KCNK12: variants seen among roughly 807,000 people sequenced by gnomAD.
KCNK12 encodes the protein potassium two pore domain channel subfamily K member 12.
KCNK12 carries 6 observed loss-of-function variants against 25.3 expected under a neutral mutation model. The observed-to-expected ratio is 0.24, with a 90% CI of 0.13 to 0.47. KCNK12 has a LOEUF of 0.47. Ranked by LOEUF, KCNK12 falls within the 20% of genes least tolerant of loss-of-function variation. The probability of loss-of-function intolerance (pLI) is 0.99; values close to 1 mark genes in which losing one functional copy is unlikely to be tolerated. For missense variants in KCNK12, 444 were observed against 661.7 expected (o/e 0.67, Z 3.61); for synonymous variants, 331 against 311.1 (o/e 1.06, Z -0.67).
intron 1 of KCNK12, among the ~76,000 whole-genome samples, chr2:47,526,774 C>T (rs1668789783): frequency 1.3e-5 from 2 of 152,112 alleles, no homozygotes; most frequent in Admixed American, 6.5e-5. Flanking sequence ...GACATAAAAA[C>T]TATTTGGATA....
rs1253537027 is a variant in KCNK12 at position 47,570,126 on chromosome 2, C to T, written c.206G>A (p.Arg69Gln). Residue 69 changes from arginine to glutamine, a missense_variant, in exon 1 of 2, where the codon CGG (arginine) becomes CAG (glutamine). Arg to Gln is a conservative substitution (Grantham distance 43). This residue lies in a region of KCNK12 where 106 missense variants were observed against 142.2 expected (regional missense o/e 0.75). Coordinates refer to ENST00000327876, the MANE Select transcript of KCNK12 (RefSeq NM_022055.2). ...GCGCAGCGTGGCGCCCCAGCGCGCCCGCGCCTCCGCCTCGCCGGGGCTCTC... is the reference window on the plus strand; with the variant it reads ...GCGCAGCGTGGCGCCCCAGCGCGCCTGCGCCTCCGCCTCGCCGGGGCTCTC... The part of the protein sequence containing the change: ...ALESPGEAEA[R>Q]ARWGATLRNF... 9 of 1,432,360 alleles carry T rather than the reference C, an allele frequency of 6.3e-6. No individual in the cohort carries two copies. The highest frequency in any genetic ancestry group is 2.7e-5 in the Admixed American group (1 of 37,066). The allele number at this position is 1,432,360 out of a possible 1,614,324, so 88.7% of individuals were successfully genotyped here.
chr2:47,521,336 C>T lies in KCNK12; in HGVS notation c.864G>A (p.Val288=), dbSNP rs769548110. 4 of 1,613,668 alleles carry T rather than the reference C, an allele frequency of 2.5e-6. No individual in the cohort carries two copies. In the East Asian group the frequency reaches 8.9e-5, roughly 36 times the overall value. Residue 288 remains valine, a synonymous_variant, in exon 2 of 2, where the codon GTG becomes GTA. Coordinates refer to ENST00000327876, the MANE Select transcript of KCNK12 (RefSeq NM_022055.2). The part of the protein sequence containing the change: ...LGNFLFILLG[V]CCIYSLFNVI... ...CGTTGAAGAGCGAGTAAATGCAGCA[C>T]ACGCCGAGCAGGATGAAGAGGAAGT...
At position 47,570,195 on chromosome 2, in the gene KCNK12, A is replaced by G; in HGVS notation, c.137T>C (p.Ile46Thr). The G allele has an allele frequency of 6.7e-7, 1 of 1,497,934 alleles. No homozygotes were observed. 92.8% of individuals were successfully genotyped at this position (1,497,934 alleles called of 1,614,324 possible). The change falls in exon 1 of 2, where the codon ATC becomes ACC. Residue 46 changes from isoleucine to threonine, a missense_variant. Physicochemically the swap from Ile to Thr is moderately conservative, Grantham distance 89 (BLOSUM62 -1). Transcript: ENST00000327876. ...TGRFVLLAALIGLYLVAGATV... is the reference protein window; with the variant it reads ...TGRFVLLAALTGLYLVAGATV... ...GGCACCCGCCACCAGGTAGAGGCCG[A>G]TGAGCGCCGCCAGCAGCACGAAGCG... is the stretch of plus-strand genomic sequence containing the variant.
chr2:47,552,159 A>C (rs1478733752), intron 1 of KCNK12, among the ~76,000 whole-genome samples: 1 of 152,202 alleles, frequency 6.6e-6, no homozygotes, highest in African/African-American at 2.4e-5. Flanking sequence ...TAAAGCAAGA[A>C]TGTAGATGGA....
Position 47,521,822 on chromosome 2 carries a change from G to A in KCNK12, c.392-14C>T. On this transcript the variant is annotated splice_polypyrimidine_tract_variant and intron_variant, in intron 1 of 1. Transcript: ENST00000327876. ...TCATGCCGAAACCTGTGGAGACAGG[G>A]CAGGGTCAGCGCGGTCCTGGCCGCG... is the stretch of plus-strand genomic sequence containing the variant. The A allele has an allele frequency of 2.0e-6, 3 of 1,507,296 alleles. No individual in the cohort carries two copies. Among genetic ancestry groups the A allele is most frequent in the Non-Finnish European group, 2.6e-6 (3 of 1,132,822 alleles). 93.4% of individuals were successfully genotyped at this position (1,507,296 alleles called of 1,614,324 possible).
rs1035450851 is a variant in KCNK12, at chr2:47,514,610, T to C, written c.*6297A>G. 1.3e-5 allele frequency among the ~76,000 whole-genome samples: 2 copies of C among 151,872 alleles called. No homozygotes were observed. The highest frequency in any genetic ancestry group is 2.9e-5 in the Non-Finnish European group (2 of 67,938). On this transcript the variant is annotated 3_prime_UTR_variant, in exon 2 of 2. Coordinates refer to ENST00000327876, the MANE Select transcript of KCNK12 (RefSeq NM_022055.2). The surrounding 1 kb of genome is among the most constrained non-coding windows in gnomAD (Gnocchi z 5.0). ...TTTTTTCTTTTCTTCCTTTTTCTTT[T>C]TTTTTTTTCTTTCTTTTTGAGACAG... is the stretch of plus-strand genomic sequence containing the variant.
At chr2:47,559,284 C>G (rs1349038206) in intron 1 of KCNK12, among the ~76,000 whole-genome samples, 1 of 152,330 alleles carries the variant, frequency 6.6e-6, no homozygotes, top group Admixed American at 6.5e-5. Context: ...ATTAAAGCAA[C>G]GGCCCAGCAG....
intron 1 of KCNK12, among the ~76,000 whole-genome samples, chr2:47,550,659 A>G (rs1414243058): frequency 1.3e-5 from 2 of 152,146 alleles, no homozygotes; most frequent in Non-Finnish European, 2.9e-5. Context: ...TTGGGATTAC[A>G]GGTGTGAGCC....
At chr2:47,534,233 C>A (rs546327276) in intron 1 of KCNK12, among the ~76,000 whole-genome samples, 54 of 152,038 alleles carry the variant, frequency 3.6e-4, no homozygotes, top group African/African-American at 1.3e-3. Context: ...TTCAACCACC[C>A]CCCACTCTGT....
chr2:47,544,462 T>G lies in KCNK12; in HGVS notation c.392-22654A>C, dbSNP rs376965326. ...AAACCCTTTCTTCCCAGGCCCCCAGTGATGGCTAACACCATTGTTCGCAGC... is the reference window on the plus strand; with the variant it reads ...AAACCCTTTCTTCCCAGGCCCCCAGGGATGGCTAACACCATTGTTCGCAGC... On this transcript the variant is annotated intron_variant, in intron 1 of 1. Transcript: ENST00000327876. Among the ~76,000 whole-genome samples, 46 of 152,366 alleles carry G rather than the reference T, an allele frequency of 3.0e-4. 4 individuals are homozygous for G. The highest frequency in any genetic ancestry group is 1.8e-3 in the Admixed American group (27 of 15,304).
At position 47,547,606 on chromosome 2, in the gene KCNK12, A is replaced by G. The variant is rs544527417; in HGVS notation, c.391+22335T>C. The stretch of plus-strand genomic sequence containing the variant: ...TTGGCAGGGCTTTATTTATTTATTT[A>G]TTTACTTTTGAGATGGAGTCTCATT... On this transcript the variant is annotated intron_variant, in intron 1 of 1. Transcript: ENST00000327876. The surrounding 1 kb of genome is among the most constrained non-coding windows in gnomAD (Gnocchi z 5.0). 6.6e-6 allele frequency among the ~76,000 whole-genome samples: 1 copy of G among 151,184 alleles called. No homozygotes were observed. Among genetic ancestry groups the G allele is most frequent in the South Asian group, 2.1e-4 (1 of 4,770 alleles).
At position 47,520,995 on chromosome 2, in the gene KCNK12, A is replaced by ACGCACACGCTGCGCGGGTAGC; in HGVS notation, c.1184_1204dup (p.Gly395_Cys401dup). The ACGCACACGCTGCGCGGGTAGC allele has an allele frequency of 7.3e-7, 1 of 1,361,714 alleles. No individual in the cohort carries two copies. The highest frequency in any genetic ancestry group is 9.5e-7 in the Non-Finnish European group (1 of 1,053,974). The allele number at this position is 1,361,714 out of a possible 1,614,324, so 84.4% of individuals were successfully genotyped here. A position where few individuals can be genotyped will look rare whatever the true frequency, so the allele number is the denominator to read the frequency against. On this transcript the variant is annotated inframe_insertion, in exon 2 of 2. Transcript: ENST00000327876. The surrounding 1 kb of genome is among the most constrained non-coding windows in gnomAD (Gnocchi z 5.0). ...CGAGAAGCCGTTCTGGCGCGTGTTGACGCACACGCTGCGCGGGTAGCCGTT... is the reference window on the plus strand; with the variant it reads ...CGAGAAGCCGTTCTGGCGCGTGTTGACGCACACGCTGCGCGGGTAGCCGCACACGCTGCGCGGGTAGCCGTT...
In KCNK12 at chr2:47,556,705, G is replaced by A; in HGVS notation, c.391+13236C>T. On this transcript the variant is annotated intron_variant, in intron 1 of 1. Transcript: ENST00000327876. The surrounding 1 kb of genome is among the most constrained non-coding windows in gnomAD (Gnocchi z 4.8). The stretch of plus-strand genomic sequence containing the variant: ...GTCTCTGAAAAGGGAATGAATCCAA[G>A]CTGAGTTAAAAAAGAAATGCAGGCT... Among the ~76,000 whole-genome samples the A allele has an allele frequency of 6.6e-6, 1 of 152,140 alleles. No individual in the cohort carries two copies.
rs578011394 is a variant in KCNK12, at chr2:47,545,917, T to C, written c.391+24024A>G. 4.7e-4 allele frequency among the ~76,000 whole-genome samples: 71 copies of C among 152,020 alleles called. No homozygotes were observed. In the South Asian group the frequency reaches 0.014, roughly 29 times the overall value. ...GAGACTGAATTGCACTTAACTTCTT[T>C]TTTTTTTTTTTCTCAAATAATTTGC... On this transcript the variant is annotated intron_variant, in intron 1 of 1. Transcript: ENST00000327876.
Position 47,570,259 on chromosome 2 carries a change from A to T in KCNK12, c.73T>A (p.Cys25Ser). The stretch of plus-strand genomic sequence containing the variant: ...TTGAGGTGCGAACGGCGGCAGCAGC[A>T]GCAGCAGCAGGAGGGGCGCGGCAGG... Reference protein sequence around the residue: ...RRLPRPSCCCCCCRRSHLNED... With the variant: ...RRLPRPSCCCSCCRRSHLNED... The change falls in exon 1 of 2, where the codon TGC becomes AGC. Residue 25 changes from cysteine to serine, a missense_variant. This residue lies in a region of KCNK12 where 67 missense variants were observed against 59.2 expected (regional missense o/e 1.13). Transcript: ENST00000327876. The T allele has an allele frequency of 7.0e-7, 1 of 1,437,284 alleles. No individual in the cohort carries two copies. Among genetic ancestry groups the T allele is most frequent in the Non-Finnish European group, 9.1e-7 (1 of 1,095,526 alleles). The allele number at this position is 1,437,284 out of a possible 1,614,324, so 89.0% of individuals were successfully genotyped here.
intron 1 of KCNK12, chr2:47,563,071 G>A (rs969152402): frequency 1.0e-4 from 24 of 233,226 alleles, no homozygotes; most frequent in Non-Finnish European, 1.8e-4. Context: ...CTGAATCTGA[G>A]GCAGCCAAAC....
chr2:47,554,657 T>G (rs1437119558), intron 1 of KCNK12, among the ~76,000 whole-genome samples: 1 of 152,190 alleles, frequency 6.6e-6, no homozygotes, highest in East Asian at 1.9e-4. Context: ...TCAGATTTTT[T>G]GCAACAGGAA....
At chr2:47,563,293 C>A (rs1010724494) in intron 1 of KCNK12, 5 of 233,512 alleles carry the variant, frequency 2.1e-5, no homozygotes, top group Non-Finnish European at 4.2e-5. Flanking sequence ...TTCTGGGAAG[C>A]CTTGGTGCCC....
chr2:47,544,575 C>T (rs372577368), intron 1 of KCNK12, among the ~76,000 whole-genome samples: 2 of 152,186 alleles, frequency 1.3e-5, no homozygotes, highest in Admixed American at 6.5e-5. Context: ...TTGTTTTAAG[C>T]GCCCTTTTCT....
Sources: allele counts gnomAD v4.1 joint callset (sites outside exome capture counted in the v4.1 genomes callset), GRCh38; gene constraint gnomAD v4.1.1; regional missense constraint gnomAD v4.1.1; non-coding constraint Gnocchi (gnomAD v3.1); transcripts MANE v1.5; gene names NCBI Gene and HGNC (gene_info 2026-07-23, HGNC 2026-07-21).